ATP2B1: variants seen among roughly 807,000 people sequenced by gnomAD.
The protein encoded by ATP2B1 is ATPase plasma membrane Ca2+ transporting 1, also known as plasma membrane calcium-transporting ATPase 1.
In ATP2B1, 14 loss-of-function variants were observed where a neutral mutation model predicts 124.2. The observed-to-expected ratio is 0.11, with a 90% CI of 0.07 to 0.18. The LOEUF is 0.18. Ranked by LOEUF, ATP2B1 falls within the 10% of genes least tolerant of loss-of-function variation. ATP2B1 has a pLI of 1.00. For missense variants in ATP2B1, 763 were observed against 1,466.1 expected, an observed-to-expected ratio of 0.52 and a Z score of 7.83; for synonymous variants, 449 against 492.4, an observed-to-expected ratio of 0.91 and a Z score of 1.17.
chr12:89,657,757 C>T (rs1458154851), intron 1 of ATP2B1, among the ~76,000 whole-genome samples: 1 of 152,188 alleles, frequency 6.6e-6, no homozygotes, highest in Non-Finnish European at 1.5e-5. Flanking sequence ...GATGCTGATG[C>T]TATCAGTCTA....
intron 2 of ATP2B1, among the ~76,000 whole-genome samples, chr12:89,647,643 A>G (rs948966676): frequency 6.6e-6 from 1 of 152,172 alleles, no homozygotes; most frequent in Non-Finnish European, 1.5e-5. Flanking sequence ...TCATATGTAT[A>G]TGTGTGTCTG....
chr12:89,707,543 G>A (rs1180302461), intron 1 of ATP2B1, among the ~76,000 whole-genome samples: 2 of 152,174 alleles, frequency 1.3e-5, no homozygotes, highest in East Asian at 3.8e-4. Context: ...AAGAAAAGTA[G>A]CGGGCACAGA....
intron 2 of ATP2B1, among the ~76,000 whole-genome samples, chr12:89,647,510 A>C (rs563918767): frequency 6.6e-6 from 1 of 152,192 alleles, no homozygotes; most frequent in Non-Finnish European, 1.5e-5. Context: ...CCAATTTAGG[A>C]ATAAAGTGGG....
At chr12:89,654,426 G>A (rs1338551838) in intron 2 of ATP2B1, among the ~76,000 whole-genome samples, 2 of 152,182 alleles carry the variant, frequency 1.3e-5, no homozygotes, top group Non-Finnish European at 2.9e-5. Flanking sequence ...AGAAGCTGGT[G>A]TTTCTAGTGG....
Position 89,611,306 on chromosome 12 carries a change from T to C in ATP2B1, c.2134A>G (p.Ile712Val). 2 of 1,607,148 alleles carry C rather than the reference T, an allele frequency of 1.2e-6. No individual in the cohort carries two copies. The highest frequency in any genetic ancestry group is 1.7e-6 in the Non-Finnish European group (2 of 1,177,138). The change falls in exon 13 of 21, where the codon ATT becomes GTT. Residue 712 changes from isoleucine (I) to valine (V), a missense_variant. By Grantham distance (29) the Ile-to-Val change is conservative (BLOSUM62 3). Around this residue, in one of 7 missense-constraint regions of ATP2B1, gnomAD observed 392 missense variants for 776.6 expected, o/e 0.50. Transcript: ENST00000428670. ...ITVRMVTGDN[I>V]NTARAIATKC... ...GTAGCAATGGCCCGAGCAGTATTAATATTATCACCAGTGACCATCCGCACA... is the reference window on the plus strand; with the variant it reads ...GTAGCAATGGCCCGAGCAGTATTAACATTATCACCAGTGACCATCCGCACA...
intron 1 of ATP2B1, among the ~76,000 whole-genome samples, chr12:89,689,378 T>C (rs1890303091): frequency 6.6e-6 from 1 of 152,130 alleles, no homozygotes. Flanking sequence ...ACAATGCAGG[T>C]AAACACGAAA....
intron 3 of ATP2B1, among the ~76,000 whole-genome samples, chr12:89,639,569 T>TTA (rs915268175): frequency 4.0e-5 from 6 of 149,210 alleles, no homozygotes; most frequent in African/African-American, 1.2e-4. Context: ...ATATTTTATT[T>TTA]TATATATATA....
intron 12 of ATP2B1, among the ~76,000 whole-genome samples, chr12:89,616,105 T>A (rs1275113906): frequency 1.3e-5 from 2 of 152,138 alleles, no homozygotes; most frequent in Non-Finnish European, 2.9e-5. Flanking sequence ...GTTGCAATAA[T>A]CACGTGTTTG....
intron 3 of ATP2B1, among the ~76,000 whole-genome samples, chr12:89,635,998 C>T (rs1176761594): frequency 6.6e-6 from 1 of 152,054 alleles, no homozygotes; most frequent in Non-Finnish European, 1.5e-5. Context: ...ATTAATTTCA[C>T]ATATCGACAA....
chr12:89,600,528 T>C (rs142673940), intron 19 of ATP2B1, among the ~76,000 whole-genome samples: 20 of 152,262 alleles, frequency 1.3e-4, no homozygotes, highest in Non-Finnish European at 2.5e-4. Context: ...TCAATTCAAA[T>C]CTAAAACATC....
At chr12:89,682,005 G>A (rs1889410863) in intron 1 of ATP2B1, among the ~76,000 whole-genome samples, 1 of 152,018 alleles carries the variant, frequency 6.6e-6, no homozygotes. Flanking sequence ...GAATATCACG[G>A]ACTGAGAGCC....
At chr12:89,669,969 T>C (rs1297626146) in intron 1 of ATP2B1, among the ~76,000 whole-genome samples, 1 of 152,166 alleles carries the variant, frequency 6.6e-6, no homozygotes, top group African/African-American at 2.4e-5. Context: ...ACCAGAATGG[T>C]CAACTTTAAG....
intron 1 of ATP2B1, among the ~76,000 whole-genome samples, chr12:89,699,987 G>A (rs1323387385): frequency 6.6e-6 from 1 of 151,034 alleles, no homozygotes; most frequent in Non-Finnish European, 1.5e-5. Flanking sequence ...TAGGACTACA[G>A]GTACACGACA....
chr12:89,635,659 C>T (rs140115966), intron 3 of ATP2B1, among the ~76,000 whole-genome samples: 10 of 152,280 alleles, frequency 6.6e-5, no homozygotes, highest in Non-Finnish European at 1.2e-4. Flanking sequence ...AGGCTTTCTT[C>T]GCACTCAACC....
chr12:89,700,263 G>A (rs1891684165), intron 1 of ATP2B1, among the ~76,000 whole-genome samples: 1 of 152,084 alleles, frequency 6.6e-6, no homozygotes, highest in Non-Finnish European at 1.5e-5. Context: ...TTTGATGCTA[G>A]AGGAGCTCCC....
chr12:89,621,431 C>T (rs1879945381), intron 10 of ATP2B1, 118 bp downstream of exon 10: 1 of 741,676 alleles, frequency 1.3e-6, no homozygotes, highest in Non-Finnish European at 1.9e-6. Flanking sequence ...TAAATATATG[C>T]CTTTTAAAAA....
chr12:89,625,440 C>T (rs571437163), intron 8 of ATP2B1, among the ~76,000 whole-genome samples: 5 of 151,720 alleles, frequency 3.3e-5, no homozygotes, highest in Non-Finnish European at 7.4e-5. Flanking sequence ...AAAAATCAGC[C>T]GGGTGTAGTG....
At chr12:89,596,838 A>C (rs1190692783) in intron 20 of ATP2B1, among the ~76,000 whole-genome samples, 1 of 152,084 alleles carries the variant, frequency 6.6e-6, no homozygotes, top group East Asian at 1.9e-4. Flanking sequence ...TTTCCATTTC[A>C]GCTTCCCTTA....
intron 1 of ATP2B1, among the ~76,000 whole-genome samples, chr12:89,666,101 A>C (rs1480949381): frequency 6.6e-6 from 1 of 152,250 alleles, no homozygotes; most frequent in African/African-American, 2.4e-5. Flanking sequence ...TGTGATTATT[A>C]AAGAACAGTT....
Sources: gnomAD v4.1 joint callset for allele counts (sites outside exome capture counted in the v4.1 genomes callset) on GRCh38, gnomAD v4.1.1 for gene constraint, gnomAD v4.1.1 regional missense constraint, MANE v1.5 for transcripts, NCBI Gene and HGNC (gene_info 2026-07-23, HGNC 2026-07-21) for gene names.